Variants in CCT3 observed in about 807,000 individuals in gnomAD.
CCT3 encodes chaperonin containing TCP1 subunit 3.
Under a neutral mutation model 65.3 loss-of-function variants are expected in CCT3, and 10 were observed. The ratio of observed to expected loss-of-function variants is 0.15; its 90% CI spans 0.09 to 0.26. The LOEUF is 0.26. CCT3 is among the 10% of genes least tolerant of loss of function. The pLI is 1.00. For synonymous variants in CCT3, 225 were observed against 242.3 expected (o/e 0.93, Z 0.66); for missense variants, 626 against 708.7 (o/e 0.88, Z 1.33).
chr1:156,324,121 G>A (rs1664694879), intron 6 of CCT3, among the ~76,000 whole-genome samples: 1 of 151,518 alleles, frequency 6.6e-6, no homozygotes, highest in Non-Finnish European at 1.5e-5. Context: ...AGGCTGGAGT[G>A]CAGTGGCACA....
chr1:156,333,283 C>A (rs2764403), intron 5 of CCT3: 79,299 of 327,046 alleles, frequency 0.24, 10,743 homozygotes, highest in Non-Finnish European at 0.25. Context: ...CAGAGTGAGA[C>A]TCTGTCTCAA....
chr1:156,324,282 T>C (rs940704316), intron 6 of CCT3, among the ~76,000 whole-genome samples: 4 of 152,016 alleles, frequency 2.6e-5, no homozygotes, highest in Non-Finnish European at 5.9e-5. Context: ...TTGGCCAGGC[T>C]GGTCTCTAAC....
Position 156,321,045 on chromosome 1 carries a change from A to C in CCT3, c.423-20T>G. 6.2e-7 allele frequency: 1 copy of C among 1,602,130 alleles called. No individual in the cohort carries two copies. Among genetic ancestry groups the C allele is most frequent in the Non-Finnish European group, 8.5e-7 (1 of 1,169,806 alleles). ...GGGATACTAGAGAAAAGAAAACCAG[A>C]CGATATGTGAAGAAGGCATGTTAGA... On this transcript the variant is annotated intron_variant, in intron 6 of 13. Transcript: ENST00000295688.
intron 4 of CCT3, among the ~76,000 whole-genome samples, chr1:156,333,940 A>C (rs1175640879): frequency 3.9e-5 from 6 of 152,306 alleles, no homozygotes; most frequent in Middle Eastern, 3.4e-3. Flanking sequence ...GTTCTTCAGT[A>C]AGATACGTTG....
chr1:156,316,920 A>G (rs1664335000), intron 10 of CCT3, among the ~76,000 whole-genome samples: 1 of 152,216 alleles, frequency 6.6e-6, no homozygotes, highest in African/African-American at 2.4e-5. Context: ...ACACCCACCA[A>G]GGTAGCAATT....
At chr1:156,316,063 G>A (rs1266614392) in intron 10 of CCT3, among the ~76,000 whole-genome samples, 1 of 149,392 alleles carries the variant, frequency 6.7e-6, no homozygotes, top group Admixed American at 6.7e-5. Context: ...ATATCCGCAG[G>A]TCCCGCATCC....
chr1:156,327,297 G>T (rs867365301), intron 5 of CCT3, among the ~76,000 whole-genome samples: 5 of 150,882 alleles, frequency 3.3e-5, no homozygotes, highest in Admixed American at 6.6e-5. Context: ...CCCTCTCCAC[G>T]GTCTCCCTCT....
chr1:156,338,135 T>G lies in CCT3; in HGVS notation c.31+19A>C. 3 of 1,580,070 alleles carry G rather than the reference T, an allele frequency of 1.9e-6. No individual in the cohort carries two copies. Among genetic ancestry groups the G allele is most frequent in the Non-Finnish European group, 2.6e-6 (3 of 1,164,144 alleles). ...GAGGGCGAAAAGGGGGTCCATTTCC[T>G]GGCATCCCCAGAACTCACTGAGCAC... On this transcript the variant is annotated intron_variant, in intron 1 of 13. Coordinates refer to ENST00000295688, the MANE Select transcript of CCT3 (RefSeq NM_005998.5).
At chr1:156,324,054 T>C (rs1049072187) in intron 6 of CCT3, among the ~76,000 whole-genome samples, 1 of 149,576 alleles carries the variant, frequency 6.7e-6, no homozygotes, top group Non-Finnish European at 1.5e-5. Context: ...TGAGCCACCA[T>C]GCCCAGCCCA....
In CCT3 at chr1:156,338,261, A is replaced by G. The variant is rs564335780; in HGVS notation, c.-77T>C. 1.3e-6 allele frequency: 2 copies of G among 1,494,928 alleles called. No homozygotes were observed. Among genetic ancestry groups the G allele is most frequent in the Non-Finnish European group, 9.1e-7 (1 of 1,095,316 alleles). The allele number at this position is 1,494,928 out of a possible 1,614,324, so 92.6% of individuals were successfully genotyped here. On this transcript the variant is annotated 5_prime_UTR_variant, in exon 1 of 14. Coordinates refer to ENST00000295688, the MANE Select transcript of CCT3 (RefSeq NM_005998.5). ...TTCTGGAGAGAGAGAACCAGACAGA[A>G]GCCCAGAAAACGCTGCCTCCTCAGG...
At chr1:156,311,544 C>T (rs943621245) in intron 11 of CCT3, among the ~76,000 whole-genome samples, 2 of 152,184 alleles carry the variant, frequency 1.3e-5, no homozygotes, top group African/African-American at 2.4e-5. Context: ...GAGCCATAAC[C>T]TATTCCACCC....
chr1:156,319,960 C>T (rs887069727), intron 7 of CCT3, among the ~76,000 whole-genome samples: 1 of 152,134 alleles, frequency 6.6e-6, no homozygotes, highest in Non-Finnish European at 1.5e-5. Flanking sequence ...AACATGGAGA[C>T]ACCAATAAGC....
chr1:156,323,039 G>A (rs1343921180), intron 6 of CCT3, among the ~76,000 whole-genome samples: 5 of 151,348 alleles, frequency 3.3e-5, no homozygotes, highest in Non-Finnish European at 7.4e-5. Flanking sequence ...AGGCGCGGTG[G>A]CTCACGCCTG....
chr1:156,312,033 T>C lies in CCT3; in HGVS notation c.1155+8A>G. On this transcript the variant is annotated splice_region_variant and intron_variant, in intron 11 of 13. Transcript: ENST00000295688. ...CTTCATCTGGTCATACATCCAAGGC[T>C]GACTCACCGAGAGAATCTCTTTGCT... 1 of 1,604,258 alleles carries C rather than the reference T, an allele frequency of 6.2e-7. No individual in the cohort carries two copies. Among genetic ancestry groups the C allele is most frequent in the South Asian group, 1.1e-5 (1 of 90,214 alleles).
chr1:156,325,938 T>C (rs1478328194), intron 5 of CCT3, among the ~76,000 whole-genome samples: 1 of 151,816 alleles, frequency 6.6e-6, no homozygotes, highest in Non-Finnish European at 1.5e-5. Context: ...TAAAGAAAAA[T>C]GCACAAAAGA....
In CCT3 at chr1:156,322,609, G is replaced by A. The variant is rs559326704; in HGVS notation, c.423-1584C>T. On this transcript the variant is annotated intron_variant, in intron 6 of 13. Coordinates refer to ENST00000295688, the MANE Select transcript of CCT3 (RefSeq NM_005998.5). ...ACGGTGGCTCACGCCTGTAATCCCA[G>A]CACCTTGGGAGGCCGAGGCAGGCGG... is the stretch of plus-strand genomic sequence containing the variant. 4.6e-5 allele frequency among the ~76,000 whole-genome samples: 7 copies of A among 151,454 alleles called. No individual in the cohort carries two copies. The South Asian group carries it at 1.5e-3, about 32-fold the overall frequency.
intron 5 of CCT3, among the ~76,000 whole-genome samples, chr1:156,327,370 C>T (rs912686953): frequency 4.6e-5 from 7 of 152,180 alleles, no homozygotes; most frequent in Non-Finnish European, 7.4e-5. Flanking sequence ...ACTGCCATCT[C>T]GGCTCACTGC....
rs1572625697 is a variant in CCT3, at chr1:156,310,750, T to C, written c.1402-61A>G. ...TTAACAGGAAACATCAGGTAAGAAA[T>C]GAAGTAAAAAACAATGGACCAGTAT... On this transcript the variant is annotated intron_variant, in intron 12 of 13. Transcript: ENST00000295688. 3 of 1,588,702 alleles carry C rather than the reference T, an allele frequency of 1.9e-6. No homozygotes were observed. The East Asian group carries it at 6.7e-5, about 36-fold the overall frequency.
chr1:156,331,118 T>A (rs368527798), intron 5 of CCT3, among the ~76,000 whole-genome samples: 88 of 150,476 alleles, frequency 5.8e-4, no homozygotes, highest in African/African-American at 1.5e-3. Context: ...TGTAATCCCA[T>A]CTACTCAGGA....
Sources: gnomAD v4.1 joint callset for allele counts (sites outside exome capture counted in the v4.1 genomes callset) on GRCh38, gnomAD v4.1.1 for gene constraint, MANE v1.5 for transcripts, NCBI Gene and HGNC (gene_info 2026-07-23, HGNC 2026-07-21) for gene names.